Variants in NAB1 observed in about 807,000 individuals in gnomAD.
The protein encoded by NAB1 is NGFI-A binding protein 1, also known as NGFI-A-binding protein 1.
NAB1 carries 25 observed loss-of-function variants against 49.9 expected under a neutral mutation model. The ratio of observed to expected loss-of-function variants is 0.50; its 90% CI spans 0.37 to 0.70. NAB1 has a LOEUF of 0.70. Ranked by LOEUF, NAB1 falls within the 30% of genes least tolerant of loss-of-function variation. The pLI is 0.00. For synonymous variants in NAB1, 198 were observed against 215.6 expected (o/e 0.92, Z 0.71); for missense variants, 489 against 575.9 (o/e 0.85, Z 1.54).
chr2:190,687,490 A>G (rs937199930), intron 9 of NAB1, among the ~76,000 whole-genome samples, 173 bp downstream of exon 9: 1 of 151,960 alleles, frequency 6.6e-6, no homozygotes, highest in Non-Finnish European at 1.5e-5. Context: ...CAGGATCCAA[A>G]ATGTTTTGAG....
chr2:190,685,617 T>TC lies in NAB1; in HGVS notation c.1239dup (p.Asp414ArgfsTer2). 1 of 1,609,790 alleles carries TC rather than the reference T, an allele frequency of 6.2e-7. No homozygotes were observed. The highest frequency in any genetic ancestry group is 8.5e-7 in the Non-Finnish European group (1 of 1,178,426). ...AGAGCACAGTCCTAACGGCTTGACT[T>TC]CCGATAACTCAGATGGACAAGGTAC... On this transcript the variant is annotated frameshift_variant, in exon 8 of 10. Transcript: ENST00000337386. LOFTEE classifies it high-confidence loss of function. This position sits in a 1 kb window ranked among gnomAD's most constrained non-coding sequence, Gnocchi z 4.5.
chr2:190,683,680 G>T, intron 6 of NAB1, 58 bp from the exon 7 acceptor site: 1 of 1,258,684 alleles, frequency 7.9e-7, no homozygotes, highest in Non-Finnish European at 1.1e-6. Flanking sequence ...TCAAGTTTTT[G>T]ATAATATTTT....
rs961914826 is a variant in NAB1 at position 190,669,462 on chromosome 2, A to G, written c.820-864A>G. Among the ~76,000 whole-genome samples, 3 of 152,178 alleles carry G rather than the reference A, an allele frequency of 2.0e-5. No individual in the cohort carries two copies. The highest frequency in any genetic ancestry group is 7.2e-5 in the African/African-American group (3 of 41,436). On this transcript the variant is annotated intron_variant, in intron 4 of 9. Coordinates refer to ENST00000337386, the MANE Select transcript of NAB1 (RefSeq NM_005966.4). This position sits in a 1 kb window ranked among gnomAD's most constrained non-coding sequence, Gnocchi z 4.3. ...GTACCAAGCCTCTCAAAAGTTTTGC[A>G]TGTCCAGAGTCACAGCTGGTAAATG...
rs974087082 is a variant in NAB1 at position 190,682,793 on chromosome 2, A to T, written c.1006-945A>T. On this transcript the variant is annotated intron_variant, in intron 6 of 9. Coordinates refer to ENST00000337386, the MANE Select transcript of NAB1 (RefSeq NM_005966.4). This position sits in a 1 kb window ranked among gnomAD's most constrained non-coding sequence, Gnocchi z 4.1. ...TATAGATAAATTGGCATAAATTAAGAAAACAAGAATTCTTAGTGCTGACAA... is the reference window on the plus strand; with the variant it reads ...TATAGATAAATTGGCATAAATTAAGTAAACAAGAATTCTTAGTGCTGACAA... Among the ~76,000 whole-genome samples, 1 of 152,230 alleles carries T rather than the reference A, an allele frequency of 6.6e-6. No individual in the cohort carries two copies. Among genetic ancestry groups the T allele is most frequent in the Non-Finnish European group, 1.5e-5 (1 of 68,032 alleles).
chr2:190,656,966 G>T (rs1260569391), intron 3 of NAB1, among the ~76,000 whole-genome samples: 1 of 152,092 alleles, frequency 6.6e-6, no homozygotes, highest in Non-Finnish European at 1.5e-5. Flanking sequence ...CTACTGAGAA[G>T]CCCCATGTCT....
In NAB1 at chr2:190,687,199, A is replaced by T; in HGVS notation, c.1259-2A>T. ...TGCATATTTCTTTTTTCTTTTCATT[A>T]GGAGAAAGACCTTTGAATCTCCGAA... On this transcript the variant is annotated splice_acceptor_variant, in intron 8 of 9. Coordinates refer to ENST00000337386, the MANE Select transcript of NAB1 (RefSeq NM_005966.4). LOFTEE classifies it high-confidence loss of function. 1 of 1,545,122 alleles carries T rather than the reference A, an allele frequency of 6.5e-7. No homozygotes were observed.
intron 3 of NAB1, among the ~76,000 whole-genome samples, chr2:190,656,419 CTG>C (rs930661905): frequency 2.1e-4 from 32 of 152,160 alleles, no homozygotes; most frequent in Admixed American, 8.5e-4. Context: ...TGGAAGGAAA[CTG>C]AAACATTCTC....
chr2:190,681,679 A>AT (rs1197907643), intron 6 of NAB1, among the ~76,000 whole-genome samples: 1 of 152,342 alleles, frequency 6.6e-6, no homozygotes, highest in Non-Finnish European at 1.5e-5. Context: ...TCTTGGCTCT[A>AT]TATCATGTCT....
rs76212607 is a variant in NAB1 at position 190,688,985 on chromosome 2, C to G, written c.1376-1260C>G. Among the ~76,000 whole-genome samples, 632 of 152,114 alleles carry G rather than the reference C, an allele frequency of 4.2e-3. 11 individuals are homozygous for G. In the East Asian group the frequency reaches 0.046, roughly 11 times the overall value. On this transcript the variant is annotated intron_variant, in intron 9 of 9. Coordinates refer to ENST00000337386, the MANE Select transcript of NAB1 (RefSeq NM_005966.4). Reference sequence around the variant, plus strand: ...TCCCGAGTAGCTAGGACTACAAGTGCCCGCCACTGCACCTGGCTAATTTTT... The same window carrying G: ...TCCCGAGTAGCTAGGACTACAAGTGGCCGCCACTGCACCTGGCTAATTTTT...
Position 190,659,885 on chromosome 2 carries a change from G to A in NAB1, c.709G>A (p.Glu237Lys). Residue 237 changes from glutamate to lysine, a missense_variant, in exon 4 of 10, where the codon GAG becomes AAG. Glu to Lys is a moderately conservative substitution (Grantham distance 56, BLOSUM62 1). Coordinates refer to ENST00000337386, the MANE Select transcript of NAB1 (RefSeq NM_005966.4). This position sits in a 1 kb window ranked among gnomAD's most constrained non-coding sequence, Gnocchi z 6.2. ...GGCCAAAATGATTGGTCACATCTTT[G>A]AGATGAACGATGATGATCCACACAA... The part of the protein sequence containing the change: ...KLAKMIGHIF[E>K]MNDDDPHKEE... The A allele has an allele frequency of 6.2e-7, 1 of 1,614,158 alleles. No homozygotes were observed.
At position 190,664,553 on chromosome 2, in the gene NAB1, CCTTCCTTT is replaced by C. The variant is rs1221802737; in HGVS notation, c.819+4565_819+4572del. Among the ~76,000 whole-genome samples, 36 of 91,562 alleles carry C rather than the reference CCTTCCTTT, an allele frequency of 3.9e-4. No individual in the cohort carries two copies. The East Asian group carries it at 5.2e-3, about 13-fold the overall frequency. 60.1% of individuals were successfully genotyped at this position (91,562 alleles called of 152,430 possible). A position where few individuals can be genotyped will look rare whatever the true frequency, so the allele number is the denominator to read the frequency against. On this transcript the variant is annotated intron_variant, in intron 4 of 9. Coordinates refer to ENST00000337386, the MANE Select transcript of NAB1 (RefSeq NM_005966.4). ...TCCTTCCTTCCTTCCTTCCTTCCTTCCTTCCTTTCTTCCTCTCTTTCTTTCTTCTTTCC... is the reference window on the plus strand; with the variant it reads ...TCCTTCCTTCCTTCCTTCCTTCCTTCCTTCCTCTCTTTCTTTCTTCTTTCC...
In NAB1 at chr2:190,657,635, T is replaced by A. The variant is rs1454695022; in HGVS notation, c.-20+1482T>A. ...CCCTTGCAAAGAAAGAGACATAAAA[T>A]TTGCGGAAGTCAAAACAGATGTGGA... On this transcript the variant is annotated intron_variant, in intron 3 of 9. Coordinates refer to ENST00000337386, the MANE Select transcript of NAB1 (RefSeq NM_005966.4). The surrounding 1 kb of genome is among the most constrained non-coding windows in gnomAD (Gnocchi z 4.4). Among the ~76,000 whole-genome samples, 1 of 152,082 alleles carries A rather than the reference T, an allele frequency of 6.6e-6. No individual in the cohort carries two copies. The highest frequency in any genetic ancestry group is 2.4e-5 in the African/African-American group (1 of 41,414).
rs1375192373 is a variant in NAB1 at position 190,685,600 on chromosome 2, G to A, written c.1220G>A (p.Ser407Asn). The A allele has an allele frequency of 6.2e-7, 1 of 1,612,054 alleles. No individual in the cohort carries two copies. The highest frequency in any genetic ancestry group is 8.5e-7 in the Non-Finnish European group (1 of 1,179,356). ...GLYRQSSEEH[S>N]PNGLTSDNSD... ...TACAGGCAGAGCTCAGAAGAGCACA[G>A]TCCTAACGGCTTGACTTCCGATAAC... is the stretch of plus-strand genomic sequence containing the variant. The change falls in exon 8 of 10, where the codon AGT becomes AAT. Residue 407 changes from serine to asparagine, a missense_variant. Physicochemically the swap from Ser to Asn is conservative, Grantham distance 46. This residue lies in a region of NAB1 where 212 missense variants were observed against 199.3 expected (regional missense o/e 1.06). Transcript: ENST00000337386. This position sits in a 1 kb window ranked among gnomAD's most constrained non-coding sequence, Gnocchi z 4.5.
rs1392125917 is a variant in NAB1, at chr2:190,670,720, TAC to T, written c.953+268_953+269del. Among the ~76,000 whole-genome samples, 13 of 152,344 alleles carry T rather than the reference TAC, an allele frequency of 8.5e-5. No homozygotes were observed. Among genetic ancestry groups the T allele is most frequent in the Non-Finnish European group, 1.6e-4 (11 of 68,022 alleles). Reference sequence around the variant, plus strand: ...AGTGGTTTTAAACATTCTTCTCTCATACACACACTTTGGTTTTGAGTGTGACG... The same window carrying T: ...AGTGGTTTTAAACATTCTTCTCTCATACACACTTTGGTTTTGAGTGTGACG... On this transcript the variant is annotated intron_variant, in intron 5 of 9. Coordinates refer to ENST00000337386, the MANE Select transcript of NAB1 (RefSeq NM_005966.4). This position sits in a 1 kb window ranked among gnomAD's most constrained non-coding sequence, Gnocchi z 5.3.
chr2:190,683,615 A>G (rs1695464275), intron 6 of NAB1, 123 bp from the exon 7 acceptor site: 1 of 643,670 alleles, frequency 1.6e-6, no homozygotes, highest in African/African-American at 1.9e-5. Flanking sequence ...TTTTATAACC[A>G]TTAAAATCTT....
intron 4 of NAB1, among the ~76,000 whole-genome samples, chr2:190,662,691 C>G (rs1694288904): frequency 6.6e-6 from 1 of 152,118 alleles, no homozygotes; most frequent in South Asian, 2.1e-4. Flanking sequence ...TTGGGAACAG[C>G]AAGGCAATAG....
intron 9 of NAB1, among the ~76,000 whole-genome samples, chr2:190,690,012 C>CTATACACATATGTATAG (rs1553555813): frequency 1.4e-5 from 1 of 73,420 alleles, no homozygotes; most frequent in East Asian, 3.1e-4. Flanking sequence ...ATGTATACAT[C>CTATACACATATGTATAG]TATACATATA....
chr2:190,653,056 G>T (rs902980026), intron 2 of NAB1, among the ~76,000 whole-genome samples: 5 of 152,156 alleles, frequency 3.3e-5, no homozygotes, highest in African/African-American at 1.2e-4. Context: ...GCTCAGGGAA[G>T]CCAAAAGATT....
chr2:190,692,289 T>TA lies in NAB1; in HGVS notation c.*1960dup, dbSNP rs1275848253. On this transcript the variant is annotated 3_prime_UTR_variant, in exon 10 of 10. Coordinates refer to ENST00000337386, the MANE Select transcript of NAB1 (RefSeq NM_005966.4). This position sits in a 1 kb window ranked among gnomAD's most constrained non-coding sequence, Gnocchi z 5.2. ...TGTAGATTTTCATAAGCCACAATTTTAAAAGATGCAGTAATCTTCCAACTT... is the reference window on the plus strand; with the variant it reads ...TGTAGATTTTCATAAGCCACAATTTTAAAAAGATGCAGTAATCTTCCAACTT... 1 of 152,660 alleles carries TA rather than the reference T, an allele frequency of 6.6e-6. No individual in the cohort carries two copies. The highest frequency in any genetic ancestry group is 2.4e-5 in the African/African-American group (1 of 41,458). The allele number at this position is 152,660 out of a possible 1,614,324, so 9.5% of individuals were successfully genotyped here.
Sources: gnomAD v4.1 joint callset for allele counts (sites outside exome capture counted in the v4.1 genomes callset) on GRCh38, gnomAD v4.1.1 for gene constraint, gnomAD v4.1.1 regional missense constraint, Gnocchi (gnomAD v3.1) non-coding constraint, MANE v1.5 for transcripts, NCBI Gene and HGNC (gene_info 2026-07-23, HGNC 2026-07-21) for gene names.